Variants in OCM observed in about 807,000 individuals in gnomAD.
OCM encodes oncomodulin-1.
Under a neutral mutation model 14.1 loss-of-function variants are expected in OCM, and 18 were observed. That is an observed-to-expected ratio of 1.28 (90% CI 0.88 to 1.89). OCM has a LOEUF of 1.89. OCM is among the 40% of genes most tolerant of loss of function. The pLI is 0.00. For missense variants in OCM, 140 were observed against 137.6 expected, an observed-to-expected ratio of 1.02 and a Z score of -0.09; for synonymous variants, 48 against 51.0, an observed-to-expected ratio of 0.94 and a Z score of 0.25.
At chr7:5,868,049 G>T in the OCM span, among the ~76,000 whole-genome samples, 1 of 150,680 alleles carries the variant, frequency 6.6e-6, no homozygotes, top group African/African-American at 2.4e-5. Context: ...CTTTTCCATT[G>T]CTATGTTTTC....
intron 3 of OCM, among the ~76,000 whole-genome samples, chr7:5,884,641 A>G (rs1418809169): frequency 1.1e-4 from 17 of 151,848 alleles, no homozygotes; most frequent in African/African-American, 4.1e-4. Context: ...GTGCCTGCCA[A>G]CTCAGCAGAA....
At chr7:5,882,840 CTT>C (rs10581848) in intron 2 of OCM, among the ~76,000 whole-genome samples, 41,903 of 119,716 alleles carry the variant, frequency 0.35, 6,902 homozygotes, top group Middle Eastern at 0.51. Flanking sequence ...TGCAAAGATT[CTT>C]TTTTTTTTTT....
In OCM at chr7:5,880,916, T is replaced by C; in HGVS notation, c.27T>C (p.Ala9=). The change falls in exon 1 of 4, where the codon GCT becomes GCC. Residue 9 remains alanine (A), a synonymous_variant. Transcript: ENST00000242104. The part of the protein sequence containing the change: MSITDVLS[A]DDIAAALQEC... ...TGAGCATCACGGACGTGCTCAGTGC[T>C]GACGACATTGCAGCAGCGCTCCAGG... 1.2e-6 allele frequency: 2 copies of C among 1,614,070 alleles called. No homozygotes were observed. The highest frequency in any genetic ancestry group is 1.7e-6 in the Non-Finnish European group (2 of 1,179,982).
chr7:5,871,178 C>A, the OCM span, among the ~76,000 whole-genome samples: 25 of 151,616 alleles, frequency 1.6e-4, no homozygotes, highest in East Asian at 1.6e-3. Flanking sequence ...GAGAGCCCCC[C>A]CCCCGTCTCT....
the OCM span, among the ~76,000 whole-genome samples, chr7:5,869,647 C>T: frequency 6.6e-6 from 1 of 152,012 alleles, no homozygotes; most frequent in South Asian, 2.1e-4. Context: ...CTGTATCCTC[C>T]CCTATGATCT....
the OCM span, among the ~76,000 whole-genome samples, chr7:5,864,627 ATAAT>A: frequency 1.3e-5 from 2 of 152,126 alleles, no homozygotes; most frequent in African/African-American, 4.8e-5. Context: ...CAGGCACTTA[ATAAT>A]TAAGCCTTTT....
chr7:5,885,661 A>G (rs1189194767), intron 3 of OCM, among the ~76,000 whole-genome samples: 6 of 144,628 alleles, frequency 4.1e-5, no homozygotes, highest in African/African-American at 1.6e-4. Context: ...CCCAGGCTAG[A>G]GTGCAATGGC....
At chr7:5,871,417 C>G in the OCM span, among the ~76,000 whole-genome samples, 1 of 151,656 alleles carries the variant, frequency 6.6e-6, no homozygotes, top group Non-Finnish European at 1.5e-5. Flanking sequence ...TGGTCTTAAA[C>G]TCCTGGCTTC....
the OCM span, among the ~76,000 whole-genome samples, chr7:5,868,907 A>G: frequency 7.2e-4 from 109 of 152,072 alleles, no homozygotes; most frequent in African/African-American, 2.6e-3. Flanking sequence ...TACTAAAAAT[A>G]CAAAACTTAG....
the OCM span, among the ~76,000 whole-genome samples, chr7:5,863,386 G>A: frequency 2.6e-5 from 4 of 152,170 alleles, no homozygotes; most frequent in Admixed American, 2.6e-4. Flanking sequence ...TTATGTTAAT[G>A]GGAAAGATCT....
At chr7:5,863,335 G>A in the OCM span, among the ~76,000 whole-genome samples, 5 of 152,134 alleles carry the variant, frequency 3.3e-5, 1 homozygote, top group South Asian at 1.0e-3. Context: ...ATCAACCTCA[G>A]TCAATGGGGA....
chr7:5,865,018 A>G, the OCM span, among the ~76,000 whole-genome samples: 1 of 152,000 alleles, frequency 6.6e-6, no homozygotes, highest in African/African-American at 2.4e-5. Context: ...GACTTGAAAG[A>G]CCTGTGGAAG....
the OCM span, among the ~76,000 whole-genome samples, chr7:5,863,790 G>A: frequency 3.3e-5 from 5 of 151,942 alleles, no homozygotes; most frequent in African/African-American, 9.7e-5. Flanking sequence ...ACTCGGCGTC[G>A]CAAAGTGCTG....
Position 5,886,313 on chromosome 7 carries a change from C to T in OCM, c.*224C>T. ...ACAACTTCTGTAAGCCCCCCTTCCC[C>T]CAACAGGCAATGCCTCTAAAAATCA... On this transcript the variant is annotated 3_prime_UTR_variant, in exon 4 of 4. Coordinates refer to ENST00000242104, the MANE Select transcript of OCM (RefSeq NM_001097622.2). The T allele has an allele frequency of 3.6e-6, 2 of 548,424 alleles. No homozygotes were observed. The highest frequency in any genetic ancestry group is 3.0e-5 in the Admixed American group (1 of 32,912). 34.0% of individuals were successfully genotyped at this position (548,424 alleles called of 1,614,324 possible).
the OCM span, among the ~76,000 whole-genome samples, chr7:5,870,787 A>C: frequency 6.6e-6 from 1 of 152,174 alleles, no homozygotes; most frequent in Non-Finnish European, 1.5e-5. Context: ...AGTCTTGGCC[A>C]ATGTTTAATC....
At chr7:5,873,448 C>T in the OCM span, among the ~76,000 whole-genome samples, 1 of 151,994 alleles carries the variant, frequency 6.6e-6, no homozygotes, top group Admixed American at 6.6e-5. Flanking sequence ...CCTGTAGTCC[C>T]ACCTACTCAG....
chr7:5,884,476 G>T (rs539704937), intron 3 of OCM, among the ~76,000 whole-genome samples: 14 of 152,222 alleles, frequency 9.2e-5, no homozygotes, highest in African/African-American at 3.1e-4. Flanking sequence ...GCCCGCCAAG[G>T]GGATAATATT....
At chr7:5,884,216 C>G (rs574219723) in intron 3 of OCM, among the ~76,000 whole-genome samples, 1 of 152,268 alleles carries the variant, frequency 6.6e-6, no homozygotes, top group African/African-American at 2.4e-5. Flanking sequence ...AGAAGCTGGT[C>G]ACACTGGTCA....
At position 5,882,573 on chromosome 7, in the gene OCM, T is replaced by A. The variant is rs139669558; in HGVS notation, c.142T>A (p.Phe48Ile). 2.3e-5 allele frequency: 37 copies of A among 1,614,146 alleles called. No individual in the cohort carries two copies. In the African/African-American group the frequency reaches 4.1e-4, roughly 18 times the overall value. The change falls in exon 2 of 4, where the codon TTC becomes ATC. Residue 48 changes from phenylalanine to isoleucine, a missense_variant. Coordinates refer to ENST00000242104, the MANE Select transcript of OCM (RefSeq NM_001097622.2). ...KMSANQVKDVFRFIDNDQSGY... is the reference protein window; with the variant it reads ...KMSANQVKDVIRFIDNDQSGY... ...GTCAGCCAATCAGGTGAAGGATGTTTTCCGGTTCATAGACAACGACCAGAG... is the reference window on the plus strand; with the variant it reads ...GTCAGCCAATCAGGTGAAGGATGTTATCCGGTTCATAGACAACGACCAGAG...
Sources: gnomAD v4.1 joint callset for allele counts (sites outside exome capture counted in the v4.1 genomes callset) on GRCh38, gnomAD v4.1.1 for gene constraint, MANE v1.5 for transcripts, NCBI Gene and HGNC (gene_info 2026-07-23, HGNC 2026-07-21) for gene names.